The following TECRL variants were observed in gnomAD, a reference collection of about 807,000 sequenced individuals.
TECRL encodes the protein trans-2,3-enoyl-CoA reductase-like.
In TECRL, 63 loss-of-function variants were observed where a neutral mutation model predicts 52.8. The observed-to-expected ratio is 1.19, with a 90% CI of 0.97 to 1.47. TECRL has a LOEUF of 1.47. Ranked by LOEUF, TECRL falls within the 40% of genes most tolerant of loss-of-function variation. TECRL has a pLI of 0.00. For synonymous variants in TECRL, 164 were observed against 141.9 expected (o/e 1.16, Z -1.10); for missense variants, 482 against 429.6 (o/e 1.12, Z -1.08).
chr4:64,304,069 T>C (rs988434362), intron 7 of TECRL, among the ~76,000 whole-genome samples: 6 of 151,888 alleles, frequency 4.0e-5, no homozygotes, highest in Admixed American at 6.6e-5. Context: ...TAGTCAGTTT[T>C]CAATAAATGT....
intron 11 of TECRL, among the ~76,000 whole-genome samples, chr4:64,280,419 C>T (rs1421248607): frequency 1.3e-5 from 2 of 152,004 alleles, no homozygotes; most frequent in Non-Finnish European, 2.9e-5. Flanking sequence ...AATGAATCTA[C>T]ATATTTTATA....
chr4:64,339,882 C>A (rs1719430028), intron 2 of TECRL, among the ~76,000 whole-genome samples: 1 of 152,162 alleles, frequency 6.6e-6, no homozygotes, highest in Non-Finnish European at 1.5e-5. Context: ...TTCCTCATTT[C>A]TCCTAAATTT....
At chr4:64,280,957 A>C in intron 11 of TECRL, 84 bp downstream of exon 11, 1 of 912,600 alleles carries the variant, frequency 1.1e-6, no homozygotes, top group Admixed American at 2.1e-5. Flanking sequence ...GCTATACTTT[A>C]GTACTATAAT....
chr4:64,349,157 A>G (rs1310036301), intron 2 of TECRL, among the ~76,000 whole-genome samples: 1 of 118,564 alleles, frequency 8.4e-6, no homozygotes, highest in Non-Finnish European at 1.7e-5. Context: ...TTTCAGATGG[A>G]GTTTCACTCT....
rs545347892 is a variant in TECRL at position 64,384,388 on chromosome 4, GC to G, written c.235-9166del. 1.6e-3 allele frequency among the ~76,000 whole-genome samples: 244 copies of G among 152,190 alleles called. 3 individuals are homozygous for G. Among genetic ancestry groups the G allele is most frequent in the African/African-American group, 5.4e-3 (224 of 41,542 alleles). ...ACTGGATGAATGGGCCAGTCCTGAG[GC>G]CCCAAGTTGGCATATGCAAATGAGT... On this transcript the variant is annotated intron_variant, in intron 1 of 11. Coordinates refer to ENST00000381210, the MANE Select transcript of TECRL (RefSeq NM_001010874.5).
chr4:64,276,440 G>A (rs928097411), downstream of TECRL: 1 of 151,720 alleles, frequency 6.6e-6, no homozygotes, highest in African/African-American at 2.4e-5. Context: ...TTTGTATAAT[G>A]TGTGTATATA....
intron 3 of TECRL, among the ~76,000 whole-genome samples, chr4:64,323,351 C>G (rs1378292841): frequency 6.6e-6 from 1 of 151,794 alleles, no homozygotes; most frequent in Non-Finnish European, 1.5e-5. Flanking sequence ...GAACTGTGAT[C>G]GCTTCACTGT....
At chr4:64,293,636 G>T (rs1723517172) in intron 8 of TECRL, among the ~76,000 whole-genome samples, 1 of 147,742 alleles carries the variant, frequency 6.8e-6, no homozygotes, top group African/African-American at 2.4e-5. Context: ...AGCTTGCAAT[G>T]ATCCACTTTT....
chr4:64,295,923 A>C (rs1007499729), intron 8 of TECRL, among the ~76,000 whole-genome samples: 16 of 151,992 alleles, frequency 1.1e-4, no homozygotes, highest in Non-Finnish European at 2.2e-4. Context: ...CCAAAAATTT[A>C]AGTATAAAAA....
At chr4:64,392,592 G>A (rs1723621399) in intron 1 of TECRL, among the ~76,000 whole-genome samples, 2 of 152,014 alleles carry the variant, frequency 1.3e-5, no homozygotes, top group African/African-American at 2.4e-5. Flanking sequence ...GGCTTATAAA[G>A]TATTTTTTTT....
At chr4:64,386,579 T>G (rs1441852944) in intron 1 of TECRL, among the ~76,000 whole-genome samples, 2 of 152,266 alleles carry the variant, frequency 1.3e-5, no homozygotes, top group Middle Eastern at 6.8e-3. Context: ...TGTGTAATTT[T>G]TCTTTTGCTT....
intron 2 of TECRL, among the ~76,000 whole-genome samples, chr4:64,331,962 T>G (rs1451915423): frequency 6.6e-6 from 1 of 152,162 alleles, no homozygotes; most frequent in East Asian, 1.9e-4. Context: ...ATATTCCATC[T>G]CATCCATCCC....
chr4:64,385,016 C>T (rs1723077869), intron 1 of TECRL, among the ~76,000 whole-genome samples: 1 of 152,158 alleles, frequency 6.6e-6, no homozygotes, highest in Non-Finnish European at 1.5e-5. Context: ...GGATGATGCA[C>T]ACAGTTAATG....
rs961760197 is a variant in TECRL at position 64,401,484 on chromosome 4, C to G, written c.234+7634G>C. 3.9e-5 allele frequency among the ~76,000 whole-genome samples: 6 copies of G among 152,262 alleles called. No individual in the cohort carries two copies. In the South Asian group the frequency reaches 6.2e-4, roughly 16 times the overall value. On this transcript the variant is annotated intron_variant, in intron 1 of 11. Transcript: ENST00000381210. ...TCTTCAGCTAAACAATTCTTTGACT[C>G]TCATACTCATAACTAAATTTCTTTT...
intron 1 of TECRL, 135 bp from the exon 2 acceptor site, chr4:64,375,358 A>T: frequency 2.2e-6 from 1 of 452,358 alleles, no homozygotes; most frequent in Non-Finnish European, 3.9e-6. Context: ...CTTTTTAGTG[A>T]TTACTATTTT....
intron 4 of TECRL, among the ~76,000 whole-genome samples, chr4:64,318,115 G>GT (rs1717632391): frequency 6.6e-6 from 1 of 152,064 alleles, no homozygotes; most frequent in Non-Finnish European, 1.5e-5. Context: ...AAAAATCACC[G>GT]TAAGTCTCAG....
chr4:64,366,511 G>T (rs188717372), intron 2 of TECRL, among the ~76,000 whole-genome samples: 2 of 152,018 alleles, frequency 1.3e-5, no homozygotes, highest in Non-Finnish European at 2.9e-5. Context: ...TGCAAACTAT[G>T]CATCTGACAA....
chr4:64,372,894 T>C (rs1003364974), intron 2 of TECRL, among the ~76,000 whole-genome samples: 38 of 151,530 alleles, frequency 2.5e-4, no homozygotes, highest in Non-Finnish European at 2.5e-4. Flanking sequence ...ATATGATTAA[T>C]CTCTTTGGTA....
At chr4:64,327,080 A>C (rs192855080) in intron 3 of TECRL, among the ~76,000 whole-genome samples, 2 of 152,216 alleles carry the variant, frequency 1.3e-5, no homozygotes, top group Non-Finnish European at 2.9e-5. Context: ...TCTGCCATAT[A>C]AAAGAAGACC....
Sources: allele counts gnomAD v4.1 joint callset (sites outside exome capture counted in the v4.1 genomes callset), GRCh38; gene constraint gnomAD v4.1.1; transcripts MANE v1.5; gene names NCBI Gene and HGNC (gene_info 2026-07-23, HGNC 2026-07-21).